The following DLGAP1 variants were observed in gnomAD, a reference collection of about 807,000 sequenced individuals.
DLGAP1 encodes DLG associated protein 1, also known as disks large-associated protein 1.
DLGAP1 carries 11 observed loss-of-function variants against 90.8 expected under a neutral mutation model. That is an observed-to-expected ratio of 0.12 (90% CI 0.08 to 0.20). The LOEUF (loss-of-function observed/expected upper bound fraction) is 0.20. Among genes scored for constraint, DLGAP1 ranks in the 10% least tolerant of loss-of-function variants. The pLI, the probability that DLGAP1 is intolerant of heterozygous loss-of-function variation, is 1.00. For missense variants in DLGAP1, 1,050 were observed against 1,333.8 expected (o/e 0.79, Z 3.31); for synonymous variants, 558 against 540.7 (o/e 1.03, Z -0.44).
At chr18:3,790,263 C>CT (rs905751291) in intron 5 of DLGAP1, among the ~76,000 whole-genome samples, 4 of 100,778 alleles carry the variant, frequency 4.0e-5, no homozygotes, top group South Asian at 7.7e-4. Context: ...GCTTCTTTTA[C>CT]TTTTTTTTTC....
At chr18:4,205,802 G>T (rs896924910) in intron 1 of DLGAP1, among the ~76,000 whole-genome samples, 16 of 152,162 alleles carry the variant, frequency 1.1e-4, no homozygotes. Flanking sequence ...AATACTAATA[G>T]ACAGTGCTGC....
chr18:3,765,646 C>T (rs556155125), intron 5 of DLGAP1, among the ~76,000 whole-genome samples: 3 of 151,716 alleles, frequency 2.0e-5, no homozygotes, highest in African/African-American at 7.3e-5. Flanking sequence ...CCAGCCTGGC[C>T]AACATGGTGA....
At chr18:3,663,673 T>TA (rs2146633885) in intron 7 of DLGAP1, among the ~76,000 whole-genome samples, 2 of 152,284 alleles carry the variant, frequency 1.3e-5, no homozygotes, top group African/African-American at 4.8e-5. Context: ...AGTCAACAGT[T>TA]ACCATATTGC....
intron 11 of DLGAP1, among the ~76,000 whole-genome samples, chr18:3,507,611 A>G (rs925066724): frequency 6.6e-6 from 1 of 152,108 alleles, no homozygotes; most frequent in Non-Finnish European, 1.5e-5. Context: ...CTAAGATCAT[A>G]TTTTAAGTAA....
chr18:4,367,856 A>G (rs1598295887), intron 1 of DLGAP1, among the ~76,000 whole-genome samples: 1 of 152,268 alleles, frequency 6.6e-6, no homozygotes, highest in East Asian at 1.9e-4. Context: ...CTCAGAAAAA[A>G]AAAAGAAACT....
At chr18:3,505,928 C>T (rs2050189122) in intron 11 of DLGAP1, among the ~76,000 whole-genome samples, 2 of 152,110 alleles carry the variant, frequency 1.3e-5, no homozygotes, top group African/African-American at 4.8e-5. Context: ...AGGAGGTTAA[C>T]ATTTTCTAGA....
intron 1 of DLGAP1, among the ~76,000 whole-genome samples, chr18:4,220,198 A>G (rs2144962394): frequency 6.6e-6 from 1 of 152,124 alleles, no homozygotes; most frequent in Admixed American, 6.6e-5. Context: ...CCTTGGGTAA[A>G]TTTACCCCTA....
chr18:3,665,993 G>A (rs914533679), intron 7 of DLGAP1, among the ~76,000 whole-genome samples: 1 of 152,132 alleles, frequency 6.6e-6, no homozygotes, highest in Non-Finnish European at 1.5e-5. Context: ...ACAAAACACA[G>A]GCCCAGACTG....
intron 5 of DLGAP1, among the ~76,000 whole-genome samples, chr18:3,783,299 C>T (rs560635632): frequency 6.6e-6 from 1 of 152,160 alleles, no homozygotes; most frequent in Non-Finnish European, 1.5e-5. Flanking sequence ...CTGCTCCTAG[C>T]TATATACTTG....
At chr18:4,284,576 G>A (rs1457180376) in intron 1 of DLGAP1, among the ~76,000 whole-genome samples, 1 of 152,140 alleles carries the variant, frequency 6.6e-6, no homozygotes. Context: ...TATTACAGGT[G>A]ATGCTGAAGC....
intron 7 of DLGAP1, among the ~76,000 whole-genome samples, chr18:3,582,766 G>A (rs1167421874): frequency 6.6e-6 from 1 of 152,094 alleles, no homozygotes; most frequent in African/African-American, 2.4e-5. Context: ...GGTGTCTGGG[G>A]GAGAAGGGTA....
chr18:3,858,528 G>GCACACA lies in DLGAP1; in HGVS notation c.957+20578_957+20583dup, dbSNP rs148706272. Among the ~76,000 whole-genome samples, 667 of 139,990 alleles carry GCACACA rather than the reference G, an allele frequency of 4.8e-3. 2 individuals carry two copies. Among genetic ancestry groups the GCACACA allele is most frequent in the African/African-American group, 6.6e-3 (252 of 38,194 alleles). 91.8% of individuals were successfully genotyped at this position (139,990 alleles called of 152,430 possible). ...CATATATATACACGTATATATATAT[G>GCACACA]CACACACACACACACACATATATAT... On this transcript the variant is annotated intron_variant, in intron 4 of 12. Transcript: ENST00000315677.
intron 4 of DLGAP1, among the ~76,000 whole-genome samples, chr18:3,836,669 G>T (rs879729263): frequency 1.3e-5 from 2 of 152,170 alleles, no homozygotes; most frequent in Non-Finnish European, 2.9e-5. Context: ...TAAAGGCATC[G>T]CAAGGGTGGT....
intron 1 of DLGAP1, among the ~76,000 whole-genome samples, chr18:4,163,580 C>T (rs2076883196): frequency 6.6e-6 from 1 of 152,146 alleles, no homozygotes; most frequent in Non-Finnish European, 1.5e-5. Context: ...GCACATACTT[C>T]CCACTGCCAA....
chr18:3,580,665 G>C, intron 8 of DLGAP1: 22 of 1,609,066 alleles, frequency 1.4e-5, no homozygotes, highest in Non-Finnish European at 1.8e-5. Context: ...AGATTGCTGG[G>C]CCCGGCCCCT....
At chr18:3,502,444 T>C (rs1456819277) in intron 12 of DLGAP1, 49 bp downstream of exon 12, 1 of 1,612,692 alleles carries the variant, frequency 6.2e-7, no homozygotes, top group Non-Finnish European at 8.5e-7. Flanking sequence ...GACTGTCCAG[T>C]GTTTGTGCAG....
intron 1 of DLGAP1, among the ~76,000 whole-genome samples, chr18:4,404,163 T>C (rs2082616282): frequency 6.6e-6 from 1 of 152,154 alleles, no homozygotes; most frequent in Admixed American, 6.5e-5. Flanking sequence ...TATCCAACAG[T>C]TTGTTGTTTT....
chr18:4,259,816 G>T (rs1255010905), intron 1 of DLGAP1, among the ~76,000 whole-genome samples: 1 of 152,162 alleles, frequency 6.6e-6, no homozygotes, highest in African/African-American at 2.4e-5. Context: ...GAGAGGATGA[G>T]TTGATTAACG....
rs2081826008 is a variant in DLGAP1, at chr18:4,368,344, T to G, written c.-267+86662A>C. Reference sequence around the variant, plus strand: ...AGATATTTTATTTAAAACATCTGGATGTTTCTGTGAAGGTAGGCTTTTTTA... The same window carrying G: ...AGATATTTTATTTAAAACATCTGGAGGTTTCTGTGAAGGTAGGCTTTTTTA... On this transcript the variant is annotated intron_variant, in intron 1 of 12. Transcript: ENST00000315677. Among the ~76,000 whole-genome samples the G allele has an allele frequency of 2.6e-5, 4 of 152,208 alleles. No individual in the cohort carries two copies. In the South Asian group the frequency reaches 8.3e-4, roughly 31 times the overall value.
Sources: allele counts gnomAD v4.1 joint callset (sites outside exome capture counted in the v4.1 genomes callset), GRCh38; gene constraint gnomAD v4.1.1; transcripts MANE v1.5; gene names NCBI Gene and HGNC (gene_info 2026-07-23, HGNC 2026-07-21).